The following EBF1 variants were observed in gnomAD, a reference collection of about 807,000 sequenced individuals.
EBF1 encodes transcription factor COE1.
In EBF1, 10 loss-of-function variants were observed where a neutral mutation model predicts 68.4. That is an observed-to-expected ratio of 0.15 (90% CI 0.09 to 0.25). The LOEUF is 0.25. EBF1 is among the 10% of genes least tolerant of loss of function. The pLI is 1.00. For missense variants in EBF1, 509 were observed against 794.4 expected (o/e 0.64, Z 4.32); for synonymous variants, 298 against 299.8 (o/e 0.99, Z 0.06).
At chr5:158,919,427 A>C (rs187195843) in intron 6 of EBF1, among the ~76,000 whole-genome samples, 1 of 152,258 alleles carries the variant, frequency 6.6e-6, no homozygotes, top group Admixed American at 6.5e-5. Context: ...GCAATATTTT[A>C]ATCTATAACA....
rs567931073 is a variant in EBF1, at chr5:158,865,808, C to T, written c.555-25698G>A. ...ATTGGGTACATCTAGGCTCCAATTA[C>T]TGCAGGAATATAACCATGTCCGTAT... On this transcript the variant is annotated intron_variant, in intron 6 of 15. Coordinates refer to ENST00000313708, the MANE Select transcript of EBF1 (RefSeq NM_024007.5). Among the ~76,000 whole-genome samples the T allele has an allele frequency of 7.2e-5, 11 of 152,316 alleles. 1 individual carries two copies. The South Asian group carries it at 2.1e-3, about 29-fold the overall frequency.
intron 6 of EBF1, among the ~76,000 whole-genome samples, chr5:158,883,374 A>ATGTATATATATACATACATACATGTG (rs1562210816): frequency 6.0e-5 from 9 of 150,944 alleles, no homozygotes; most frequent in Admixed American, 2.0e-4. Context: ...ACATACATAC[A>ATGTATATATATACATACATACATGTG]TGTATATATA....
intron 6 of EBF1, among the ~76,000 whole-genome samples, chr5:159,024,436 A>G (rs751835515): frequency 1.3e-5 from 2 of 152,202 alleles, no homozygotes; most frequent in Non-Finnish European, 2.9e-5. Context: ...AGCCCTTGAC[A>G]GTCCTATCGA....
intron 6 of EBF1, among the ~76,000 whole-genome samples, chr5:159,064,936 AGTATGTGCGTGTGT>A (rs1411069398): frequency 9.4e-6 from 1 of 106,484 alleles, no homozygotes; most frequent in African/African-American, 3.7e-5. Context: ...GTCTCTGTAG[AGTATGTGCGTGTGT>A]GTATGTGCGT....
intron 7 of EBF1, among the ~76,000 whole-genome samples, chr5:158,834,160 A>G (rs756195212): frequency 5.3e-5 from 8 of 152,304 alleles, no homozygotes; most frequent in Non-Finnish European, 7.4e-5. Context: ...TACCACCCTC[A>G]TTCTGCCAGT....
At chr5:159,049,789 G>A (rs1424976877) in intron 6 of EBF1, among the ~76,000 whole-genome samples, 1 of 152,178 alleles carries the variant, frequency 6.6e-6, no homozygotes, top group Non-Finnish European at 1.5e-5. Flanking sequence ...AACAAGGATG[G>A]TTTTCCTCAC....
intron 6 of EBF1, chr5:159,018,906 TA>T (rs1409320535): frequency 6.6e-6 from 1 of 152,220 alleles, no homozygotes; most frequent in Non-Finnish European, 1.5e-5. Flanking sequence ...CTTCTGTCTA[TA>T]AACTGAAAAT....
At chr5:159,073,185 AC>A (rs1287879747) in intron 6 of EBF1, among the ~76,000 whole-genome samples, 25 of 152,248 alleles carry the variant, frequency 1.6e-4, no homozygotes, top group African/African-American at 5.8e-4. Context: ...CATGAATCAG[AC>A]AAAAACCGGA....
chr5:158,946,951 C>A (rs1814884370), intron 6 of EBF1, among the ~76,000 whole-genome samples: 1 of 152,202 alleles, frequency 6.6e-6, no homozygotes, highest in African/African-American at 2.4e-5. Context: ...TGAGCTCCCC[C>A]TAGCTGGAAC....
rs1464049940 is a variant in EBF1 at position 158,696,908 on chromosome 5, T to C, written c.*2203A>G. The C allele has an allele frequency of 3.0e-5, 6 of 197,878 alleles. No homozygotes were observed. The highest frequency in any genetic ancestry group is 5.2e-5 in the Non-Finnish European group (5 of 95,772). 12.3% of individuals were successfully genotyped at this position (197,878 alleles called of 1,614,324 possible). On this transcript the variant is annotated 3_prime_UTR_variant, in exon 16 of 16. Coordinates refer to ENST00000313708, the MANE Select transcript of EBF1 (RefSeq NM_024007.5). ...TTTTCGATTTCTTTGTTTTTTTTTT[T>C]TTCTTTTTTTCTTTTTCTTTTTTCT...
chr5:159,021,311 A>T (rs1046111462), intron 6 of EBF1, among the ~76,000 whole-genome samples: 1 of 152,242 alleles, frequency 6.6e-6, no homozygotes, highest in African/African-American at 2.4e-5. Flanking sequence ...AACTGCACTC[A>T]TAGGAGGAAA....
intron 6 of EBF1, among the ~76,000 whole-genome samples, chr5:158,977,610 A>C (rs991501581): frequency 6.6e-6 from 1 of 152,254 alleles, no homozygotes. Context: ...GTAGCCAAAT[A>C]AAATTTCTAC....
intron 6 of EBF1, among the ~76,000 whole-genome samples, chr5:159,008,826 C>T (rs1195200688): frequency 6.6e-6 from 1 of 152,058 alleles, no homozygotes; most frequent in African/African-American, 2.4e-5. Flanking sequence ...TGTGAGCCAC[C>T]GCGCCCAGCC....
chr5:158,718,288 A>G (rs1761187933), intron 11 of EBF1, among the ~76,000 whole-genome samples: 1 of 152,184 alleles, frequency 6.6e-6, no homozygotes, highest in Admixed American at 6.5e-5. Flanking sequence ...TGGTCCTACC[A>G]TCTTTGTCCA....
At chr5:158,822,088 G>T (rs565774621) in intron 8 of EBF1, among the ~76,000 whole-genome samples, 1 of 152,244 alleles carries the variant, frequency 6.6e-6, no homozygotes, top group South Asian at 2.1e-4. Flanking sequence ...ATGGAAAAAA[G>T]CAGGCAATCA....
intron 6 of EBF1, among the ~76,000 whole-genome samples, chr5:158,887,331 C>A (rs1175158727): frequency 6.6e-6 from 1 of 152,104 alleles, no homozygotes; most frequent in Admixed American, 6.5e-5. Context: ...CTTAGAAATT[C>A]TTTGATCCTA....
chr5:158,998,522 T>C (rs1218174128), intron 6 of EBF1, among the ~76,000 whole-genome samples: 1 of 152,222 alleles, frequency 6.6e-6, no homozygotes, highest in Non-Finnish European at 1.5e-5. Flanking sequence ...AGGTATTCGA[T>C]ACATAACGTT....
chr5:158,969,529 C>T (rs975032149), intron 6 of EBF1, among the ~76,000 whole-genome samples: 7 of 145,904 alleles, frequency 4.8e-5, no homozygotes, highest in African/African-American at 1.0e-4. Flanking sequence ...TCTGGGAGGC[C>T]GAGGCAGGAG....
chr5:158,893,985 A>T (rs1483006486), intron 6 of EBF1, among the ~76,000 whole-genome samples: 1 of 152,216 alleles, frequency 6.6e-6, no homozygotes, highest in African/African-American at 2.4e-5. Context: ...TAAAACATTT[A>T]AAATGATCAA....
Sources: gnomAD v4.1 joint callset for allele counts (sites outside exome capture counted in the v4.1 genomes callset) on GRCh38, gnomAD v4.1.1 for gene constraint, MANE v1.5 for transcripts, NCBI Gene and HGNC (gene_info 2026-07-23, HGNC 2026-07-21) for gene names.